RIPK4: variants seen among roughly 807,000 people sequenced by gnomAD.
RIPK4 encodes the protein receptor-interacting serine/threonine-protein kinase 4.
A neutral mutation model predicts 42.9 loss-of-function variants in RIPK4; 17 were observed. The ratio of observed to expected loss-of-function variants is 0.40; its 90% confidence interval spans 0.27 to 0.59. The LOEUF (loss-of-function observed/expected upper bound fraction) is 0.59. Among genes scored for constraint, RIPK4 ranks in the 20% least tolerant of loss-of-function variants. RIPK4 has a pLI of 0.47. For missense variants in RIPK4, 897 were observed against 1,104.4 expected, an observed-to-expected ratio of 0.81 and a Z score of 2.66; for synonymous variants, 498 against 499.1, an observed-to-expected ratio of 1.00 and a Z score of 0.03.
intron 3 of RIPK4, among the ~76,000 whole-genome samples, chr21:41,750,439 G>A (rs919972948): frequency 5.3e-5 from 8 of 152,238 alleles, no homozygotes; most frequent in Non-Finnish European, 1.2e-4. Flanking sequence ...CAAAATCAGA[G>A]TGAATTTCGG....
intron 1 of RIPK4, among the ~76,000 whole-genome samples, chr21:41,765,225 C>T (rs753636848): frequency 2.6e-5 from 4 of 152,310 alleles, no homozygotes; most frequent in South Asian, 2.1e-4. Flanking sequence ...AGAGATAAAA[C>T]GAATGCCCCT....
chr21:41,763,893 G>A (rs751745950), intron 1 of RIPK4, among the ~76,000 whole-genome samples: 2 of 152,042 alleles, frequency 1.3e-5, no homozygotes, highest in Admixed American at 6.5e-5. Flanking sequence ...GGGGAGGAAC[G>A]GGGCCTTTGG....
chr21:41,763,159 CT>C (rs910328171), intron 1 of RIPK4, among the ~76,000 whole-genome samples: 60 of 152,280 alleles, frequency 3.9e-4, no homozygotes, highest in African/African-American at 1.4e-3. Context: ...CATGAAAAAT[CT>C]CTGGGCATTA....
rs2061200559 is a variant in RIPK4 at position 41,755,461 on chromosome 21, A to ACCGCTCC, written c.474+1057_474+1063dup. Among the ~76,000 whole-genome samples the ACCGCTCC allele has an allele frequency of 6.6e-6, 1 of 152,162 alleles. No homozygotes were observed. The highest frequency in any genetic ancestry group is 2.1e-4 in the South Asian group (1 of 4,828). On this transcript the variant is annotated intron_variant, in intron 2 of 7. Coordinates refer to ENST00000332512, the MANE Select transcript of RIPK4 (RefSeq NM_020639.3). This position sits in a 1 kb window ranked among gnomAD's most constrained non-coding sequence, Gnocchi z 4.2. Reference sequence around the variant, plus strand: ...CGGCCGTGCGCATGCCATACGAGCCACCGCTCCCGTCCCACCCAAGAGCTC... The same window carrying ACCGCTCC: ...CGGCCGTGCGCATGCCATACGAGCCACCGCTCCCCGCTCCCGTCCCACCCAAGAGCTC...
At chr21:41,757,921 C>T (rs1433384348) in intron 1 of RIPK4, among the ~76,000 whole-genome samples, 2 of 143,900 alleles carry the variant, frequency 1.4e-5, no homozygotes, top group Admixed American at 7.1e-5. Flanking sequence ...ATCACTTGAA[C>T]CTGGGAGGCG....
chr21:41,741,990 GC>G lies in RIPK4; in HGVS notation c.1202del (p.Gly401AlafsTer22). On this transcript the variant is annotated frameshift_variant, in exon 8 of 8. Coordinates refer to ENST00000332512, the MANE Select transcript of RIPK4 (RefSeq NM_020639.3). LOFTEE classifies it low-confidence loss of function (END_TRUNC). ...GCTTCTTCTTCTGGACGTCTGTGGT[GC>G]CCAGATCTGCAGGGAGAGGAGAGGC... ...FEREPSTSDL[G>X]TTDVQKKKLV... 1.3e-6 allele frequency: 2 copies of G among 1,587,808 alleles called. No homozygotes were observed. Among genetic ancestry groups the G allele is most frequent in the South Asian group, 1.1e-5 (1 of 86,958 alleles).
rs760731784 is a variant in RIPK4 at position 41,756,702 on chromosome 21, C to T, written c.297G>A (p.Met99Ile). 1 of 1,614,236 alleles carries T rather than the reference C, an allele frequency of 6.2e-7. No individual in the cohort carries two copies. The highest frequency in any genetic ancestry group is 1.1e-5 in the South Asian group (1 of 91,086). Residue 99 changes from methionine to isoleucine, a missense_variant, in exon 2 of 8, where the codon ATG (methionine) becomes ATA (isoleucine). By Grantham distance (10) the Met-to-Ile change is conservative. Coordinates refer to ENST00000332512, the MANE Select transcript of RIPK4 (RefSeq NM_020639.3). ...GCAGCTTTTCCAGGGAGCCCGTCTC[C>T]ATGTACTCCATGACCAGGCCGACAG... ...REPVGLVMEY[M>I]ETGSLEKLLA...
chr21:41,760,677 A>G, intron 1 of RIPK4, among the ~76,000 whole-genome samples: 1 of 151,968 alleles, frequency 6.6e-6, no homozygotes, highest in East Asian at 1.9e-4. Context: ...AGAAGCTTGC[A>G]GGACCTCTCT....
At chr21:41,746,045 A>C in intron 5 of RIPK4, 183 bp from the exon 6 acceptor site, 1 of 718,916 alleles carries the variant, frequency 1.4e-6, no homozygotes, top group South Asian at 1.4e-5. Flanking sequence ...AGGCCCCCCC[A>C]TCGGTAATCA....
chr21:41,747,236 C>T (rs992971921), intron 4 of RIPK4, among the ~76,000 whole-genome samples: 1 of 152,250 alleles, frequency 6.6e-6, no homozygotes, highest in Non-Finnish European at 1.5e-5. Flanking sequence ...TCAGTTCCAA[C>T]TCCAATCCCA....
At chr21:41,746,506 A>G (rs1450580160) in intron 5 of RIPK4, 107 bp downstream of exon 5, 22 of 1,364,086 alleles carry the variant, frequency 1.6e-5, no homozygotes, top group Non-Finnish European at 6.0e-6. Flanking sequence ...CCCACCTGTT[A>G]CACGCCTTGT....
intron 4 of RIPK4, 81 bp downstream of exon 4, chr21:41,749,073 G>A: frequency 1.4e-6 from 2 of 1,448,202 alleles, no homozygotes; most frequent in Non-Finnish European, 1.9e-6. Flanking sequence ...TCTGTTTTAG[G>A]ATAGAGAAAG....
rs61740546 is a variant in RIPK4, at chr21:41,741,606, C to A, written c.1587G>T (p.Ser529=). The change falls in exon 8 of 8, where the codon TCG becomes TCT. Residue 529 remains serine, a synonymous_variant. Transcript: ENST00000332512. The part of the protein sequence containing the change: ...STRLLLEKNA[S]VNEVDFEGRT... Reference sequence around the variant, plus strand: ...GGCCCTCAAAGTCCACCTCGTTGACCGAGGCGTTCTTCTCCAACAGCAGCC... The same window carrying A: ...GGCCCTCAAAGTCCACCTCGTTGACAGAGGCGTTCTTCTCCAACAGCAGCC... The A allele has an allele frequency of 3.1e-6, 5 of 1,612,548 alleles. No individual in the cohort carries two copies. The highest frequency in any genetic ancestry group is 4.2e-6 in the Non-Finnish European group (5 of 1,180,030).
In RIPK4 at chr21:41,751,117, G is replaced by A. The variant is rs771682350; in HGVS notation, c.603C>T (p.Asp201=). The A allele has an allele frequency of 1.9e-6, 3 of 1,614,038 alleles. No individual in the cohort carries two copies. Among genetic ancestry groups the A allele is most frequent in the Non-Finnish European group, 2.5e-6 (3 of 1,180,030 alleles). ...CACACCTGTATACATCGTGCTTGGT[G>A]TCGAAGAGCCGGCTCTTCTCCCTGA... is the stretch of plus-strand genomic sequence containing the variant. ...ERIREKSRLF[D]TKHDVYSFAI... is the part of the protein sequence containing the mutation. Residue 201 remains aspartate, a synonymous_variant, in exon 3 of 8, where the codon GAC becomes GAT. Coordinates refer to ENST00000332512, the MANE Select transcript of RIPK4 (RefSeq NM_020639.3). This position sits in a 1 kb window ranked among gnomAD's most constrained non-coding sequence, Gnocchi z 4.5.
intron 1 of RIPK4, among the ~76,000 whole-genome samples, chr21:41,758,041 T>TATATAG (rs1452050960): frequency 1.6e-3 from 91 of 58,448 alleles, no homozygotes; most frequent in Non-Finnish European, 1.8e-3. Flanking sequence ...TATATATATA[T>TATATAG]AGAGAGAGAG....
intron 1 of RIPK4, among the ~76,000 whole-genome samples, chr21:41,766,294 C>T (rs1339629952): frequency 1.3e-5 from 2 of 152,268 alleles, no homozygotes; most frequent in Non-Finnish European, 2.9e-5. Flanking sequence ...CAAGCCGAAG[C>T]TTCCGACCGA....
At chr21:41,749,110 C>T (rs2061180399) in intron 4 of RIPK4, 44 bp downstream of exon 4, 2 of 1,604,032 alleles carry the variant, frequency 1.2e-6, no homozygotes, top group East Asian at 2.2e-5. Context: ...CCCATTATTC[C>T]AGGAAAGACA....
chr21:41,745,388 G>C (rs575906642), intron 6 of RIPK4, among the ~76,000 whole-genome samples: 1 of 152,264 alleles, frequency 6.6e-6, no homozygotes, highest in South Asian at 2.1e-4. Flanking sequence ...ACCATTTATG[G>C]GCAGCTATAA....
In RIPK4 at chr21:41,742,510, G is replaced by T. The variant is rs373153832; in HGVS notation, c.1196-513C>A. ...CTCCTGACCTGGGGAGGTTAAGTCG[G>T]AAGTTTTCTATGATAATCCTGAAGG... On this transcript the variant is annotated intron_variant, in intron 7 of 7. Coordinates refer to ENST00000332512, the MANE Select transcript of RIPK4 (RefSeq NM_020639.3). The surrounding 1 kb of genome is among the most constrained non-coding windows in gnomAD (Gnocchi z 5.1). 6.6e-6 allele frequency among the ~76,000 whole-genome samples: 1 copy of T among 152,290 alleles called. No individual in the cohort carries two copies. The highest frequency in any genetic ancestry group is 1.9e-4 in the East Asian group (1 of 5,172).
Sources: allele counts gnomAD v4.1 joint callset (sites outside exome capture counted in the v4.1 genomes callset), GRCh38; gene constraint gnomAD v4.1.1; non-coding constraint Gnocchi (gnomAD v3.1); transcripts MANE v1.5; gene names NCBI Gene and HGNC (gene_info 2026-07-23, HGNC 2026-07-21).